Variants in VPS11 observed in about 807,000 individuals in gnomAD.
VPS11 encodes VPS11 core subunit of CORVET and HOPS complexes.
Under a neutral mutation model 106.8 loss-of-function variants are expected in VPS11, and 51 were observed. That is an observed-to-expected ratio of 0.48 (90% CI 0.38 to 0.60). The LOEUF is 0.60. Ranked by LOEUF, VPS11 falls within the 20% of genes least tolerant of loss-of-function variation. The pLI, the probability that VPS11 is intolerant of heterozygous loss-of-function variation, is 0.00. For missense variants in VPS11, 950 were observed against 1,190.0 expected, an observed-to-expected ratio of 0.80 and a Z score of 2.97; for synonymous variants, 453 against 458.7, an observed-to-expected ratio of 0.99 and a Z score of 0.16.
rs1945727782 is a variant in VPS11, at chr11:119,078,609, T to C, written c.1968T>C (p.Ser656=). 3.1e-6 allele frequency: 5 copies of C among 1,613,488 alleles called. No individual in the cohort carries two copies. The highest frequency in any genetic ancestry group is 1.3e-5 in the African/African-American group (1 of 74,972). ...LHAEAISLLK[S]GRFCDVFDKA... ...CAGAGGCCATTTCCCTGCTGAAGAG[T>C]GGTCGCTTCTGCGACGTCTTTGACA... The change falls in exon 12 of 16, where the codon AGT becomes AGC. Residue 656 remains serine (S), a synonymous_variant. Coordinates refer to ENST00000621676, the MANE Select transcript of VPS11 (RefSeq NM_021729.6).
Position 119,081,010 on chromosome 11 carries a change from C to T in VPS11, c.2439-82C>T. On this transcript the variant is annotated intron_variant, in intron 14 of 15. Transcript: ENST00000621676. ...CTTACCAGGGACCTTGCCCTGTGCA[C>T]TTCAGCTGCCTTCTTTCTCATCCTT... The T allele has an allele frequency of 2.3e-6, 3 of 1,316,168 alleles. No homozygotes were observed. The Admixed American group carries it at 5.1e-5, about 23-fold the overall frequency. 81.5% of individuals were successfully genotyped at this position (1,316,168 alleles called of 1,614,324 possible). A position where few individuals can be genotyped will look rare whatever the true frequency, so the allele number is the denominator to read the frequency against.
chr11:119,071,522 ATGG>A, intron 4 of VPS11, 71 bp from the exon 5 acceptor site: 1 of 1,555,622 alleles, frequency 6.4e-7, no homozygotes, highest in Non-Finnish European at 8.7e-7. Context: ...CAGTATGGAG[ATGG>A]GAATACCTTT....
intron 7 of VPS11, among the ~76,000 whole-genome samples, chr11:119,075,093 C>T (rs1353861801): frequency 4.6e-5 from 7 of 151,438 alleles, no homozygotes; most frequent in African/African-American, 4.9e-5. Context: ...GGTGAAACCC[C>T]GTCTCTACTA....
intron 7 of VPS11, among the ~76,000 whole-genome samples, chr11:119,076,540 T>A (rs533511380): frequency 4.6e-5 from 7 of 151,326 alleles, no homozygotes; most frequent in East Asian, 3.9e-4. Flanking sequence ...AAAAAAAAAA[T>A]TAATTAAATT....
chr11:119,078,450 C>T, intron 11 of VPS11, 115 bp from the exon 12 acceptor site: 1 of 1,569,614 alleles, frequency 6.4e-7, no homozygotes, highest in Admixed American at 1.7e-5. Flanking sequence ...CCTCGGGGCT[C>T]AATGGTCCTC....
In VPS11 at chr11:119,081,718, C is replaced by T; in HGVS notation, c.*95C>T. 2.0e-6 allele frequency: 3 copies of T among 1,468,174 alleles called. No homozygotes were observed. Among genetic ancestry groups the T allele is most frequent in the Non-Finnish European group, 2.8e-6 (3 of 1,089,664 alleles). 90.9% of individuals were successfully genotyped at this position (1,468,174 alleles called of 1,614,324 possible). A position where few individuals can be genotyped will look rare whatever the true frequency, so the allele number is the denominator to read the frequency against. The stretch of plus-strand genomic sequence containing the variant: ...GTTACACAGAAGGCTGGCTGACATG[C>T]CCAGGGCTCCACTCTCATCTAATGT... On this transcript the variant is annotated 3_prime_UTR_variant, in exon 16 of 16. Transcript: ENST00000621676.
intron 7 of VPS11, among the ~76,000 whole-genome samples, chr11:119,076,180 C>T (rs1945610247): frequency 6.6e-6 from 1 of 151,622 alleles, no homozygotes; most frequent in African/African-American, 2.4e-5. Flanking sequence ...GAGCCAAGAT[C>T]GTGCCCTGCA....
At chr11:119,075,227 A>G (rs1222262954) in intron 7 of VPS11, among the ~76,000 whole-genome samples, 1 of 151,798 alleles carries the variant, frequency 6.6e-6, no homozygotes, top group African/African-American at 2.4e-5. Flanking sequence ...AGATCGCACC[A>G]CTGCACTCCA....
chr11:119,081,098 G>C lies in VPS11; in HGVS notation c.2445G>C (p.Lys815Asn). ...QEIQELKASP[K>N]IFQKTKCSIC... is the part of the protein sequence containing the mutation. ...TGGTCTTTCTTCCCTGTAGTCCTAA[G>C]ATTTTCCAAAAGACCAAGTGCAGCA... The change falls in exon 15 of 16, where the codon AAG (lysine) becomes AAC (asparagine). Residue 815 changes from lysine to asparagine, a missense_variant. Transcript: ENST00000621676. 1 of 1,613,906 alleles carries C rather than the reference G, an allele frequency of 6.2e-7. No homozygotes were observed. The highest frequency in any genetic ancestry group is 2.2e-5 in the East Asian group (1 of 44,876).
intron 7 of VPS11, chr11:119,076,692 T>C (rs1439301443): frequency 3.5e-6 from 2 of 576,610 alleles, no homozygotes; most frequent in Non-Finnish European, 3.0e-6. Context: ...GAAGCAGTGC[T>C]CTGGAGCCTT....
intron 1 of VPS11, 88 bp downstream of exon 1, chr11:119,068,098 C>G: frequency 7.1e-7 from 1 of 1,408,314 alleles, no homozygotes; most frequent in Non-Finnish European, 9.4e-7. Flanking sequence ...GGGGTCCGTG[C>G]CGCGCGCCTC....
At chr11:119,077,405 GA>G (rs1945664998) in intron 8 of VPS11, 95 bp from the exon 9 acceptor site, 1 of 1,468,534 alleles carries the variant, frequency 6.8e-7, no homozygotes, top group African/African-American at 1.4e-5. Flanking sequence ...TGAACGTTAT[GA>G]TATCACCTTA....
rs1462081912 is a variant in VPS11, at chr11:119,069,564, C to A, written c.459C>A (p.Asn153Lys). ...VSCLTVHENL[N>K]FMAIGFTDGS... ...GTTTGACTGTCCATGAAAATCTCAACTTTATGGCCATTGGTAAACAGAAGG... is the reference window on the plus strand; with the variant it reads ...GTTTGACTGTCCATGAAAATCTCAAATTTATGGCCATTGGTAAACAGAAGG... The change falls in exon 3 of 16, where the codon AAC (asparagine) becomes AAA (lysine). Residue 153 changes from asparagine to lysine, a missense_variant. Asn to Lys is a moderately conservative substitution (Grantham distance 94). This residue lies in a region of VPS11 where 435 missense variants were observed against 630.2 expected (regional missense o/e 0.69). Transcript: ENST00000621676. 1 of 1,613,988 alleles carries A rather than the reference C, an allele frequency of 6.2e-7. No individual in the cohort carries two copies. The highest frequency in any genetic ancestry group is 8.5e-7 in the Non-Finnish European group (1 of 1,179,888).
chr11:119,074,070 T>C, intron 7 of VPS11, 119 bp downstream of exon 7: 6 of 1,293,152 alleles, frequency 4.6e-6, no homozygotes, highest in Non-Finnish European at 6.2e-6. Flanking sequence ...TTTTTGTTTT[T>C]GGTTTTTTGT....
In VPS11 at chr11:119,077,727, G is replaced by T. The variant is rs1945681228; in HGVS notation, c.1572+80G>T. On this transcript the variant is annotated intron_variant, in intron 9 of 15. Transcript: ENST00000621676. The stretch of plus-strand genomic sequence containing the variant: ...GCTGGAGTTGAATTCCTGGGCTCAG[G>T]TGATCCTCCCACCCCATCCTCCTGA... 1.9e-6 allele frequency: 3 copies of T among 1,541,316 alleles called. No individual in the cohort carries two copies. The African/African-American group carries it at 4.1e-5, about 21-fold the overall frequency.
chr11:119,079,250 C>G lies in VPS11; in HGVS notation c.2388C>G (p.Tyr796Ter). The G allele has an allele frequency of 1.2e-6, 2 of 1,607,216 alleles. No individual in the cohort carries two copies. The highest frequency in any genetic ancestry group is 1.7e-6 in the Non-Finnish European group (2 of 1,176,868). ...AGGATGAGCTGCGGGTGCGGCGGTA[C>G]CGAGAGGAGACCACCCGTATCCGCC... The part of the protein sequence containing the change: ...IAQDELRVRR[Y>*]REETTRIRQE... The change falls in exon 14 of 16, where the codon TAC (tyrosine) becomes TAG (stop). Residue 796 changes from tyrosine (Y) to a stop codon, truncating the protein, a stop_gained. Transcript: ENST00000621676. LOFTEE classifies it high-confidence loss of function.
At chr11:119,079,100 T>G in intron 13 of VPS11, 29 bp from the exon 14 acceptor site, 1 of 1,612,178 alleles carries the variant, frequency 6.2e-7, no homozygotes, top group Non-Finnish European at 8.5e-7. Flanking sequence ...TGGTTGATTG[T>G]CTTGTTTCCT....
At chr11:119,068,996 ACCC>A (rs57666763) in intron 1 of VPS11, among the ~76,000 whole-genome samples, 197 bp from the exon 2 acceptor site, 9 of 11,590 alleles carry the variant, frequency 7.8e-4, no homozygotes, top group Admixed American at 2.6e-3. Context: ...GGTGATCCGC[ACCC>A]CCCCCCCCCC....
At position 119,078,079 on chromosome 11, in the gene VPS11, G is replaced by A; in HGVS notation, c.1761+13G>A. Reference sequence around the variant, plus strand: ...CCCAGGCTGCAGGGTGAGGCTGCAGGGAAAAGAGCTTCAGACTGTGGGGAT... The same window carrying A: ...CCCAGGCTGCAGGGTGAGGCTGCAGAGAAAAGAGCTTCAGACTGTGGGGAT... On this transcript the variant is annotated intron_variant, in intron 10 of 15. Transcript: ENST00000621676. 1.2e-6 allele frequency: 2 copies of A among 1,609,820 alleles called. No individual in the cohort carries two copies. Among genetic ancestry groups the A allele is most frequent in the Non-Finnish European group, 1.7e-6 (2 of 1,179,794 alleles).
Sources: allele counts gnomAD v4.1 joint callset (sites outside exome capture counted in the v4.1 genomes callset), GRCh38; gene constraint gnomAD v4.1.1; regional missense constraint gnomAD v4.1.1; transcripts MANE v1.5; gene names NCBI Gene and HGNC (gene_info 2026-07-23, HGNC 2026-07-21).